STK3: variants seen among roughly 807,000 people sequenced by gnomAD.
STK3 encodes the protein serine/threonine kinase 3, also known as serine/threonine-protein kinase 3.
In STK3, 41 loss-of-function variants were observed where a neutral mutation model predicts 58.0. That is an observed-to-expected ratio of 0.71 (90% CI 0.55 to 0.92). The LOEUF (loss-of-function observed/expected upper bound fraction) is 0.92, where lower values mean the gene tolerates loss of function less well. STK3 is among the 40% of genes least tolerant of loss of function. The pLI is 0.00. For missense variants in STK3, 479 were observed against 602.7 expected (o/e 0.79, Z 2.15); for synonymous variants, 170 against 191.0 (o/e 0.89, Z 0.91).
chr8:98,613,577 T>C (rs952401624), intron 6 of STK3, among the ~76,000 whole-genome samples: 1 of 151,560 alleles, frequency 6.6e-6, no homozygotes, highest in African/African-American at 2.4e-5. Context: ...TGCATAGAAA[T>C]ATCCTCATAA....
At chr8:98,834,037 A>G (rs1835652447) in intron 3 of STK3, among the ~76,000 whole-genome samples, 1 of 152,154 alleles carries the variant, frequency 6.6e-6, no homozygotes, top group Non-Finnish European at 1.5e-5. Context: ...CCATTGAGAC[A>G]GCAATCACAT....
At chr8:98,845,860 T>C (rs930764865) in intron 3 of STK3, among the ~76,000 whole-genome samples, 3 of 152,202 alleles carry the variant, frequency 2.0e-5, no homozygotes, top group African/African-American at 4.8e-5. Context: ...TGGAGCTACA[T>C]TGAAATCTAC....
At chr8:98,575,015 T>G (rs1290275525) in intron 8 of STK3, among the ~76,000 whole-genome samples, 2 of 152,138 alleles carry the variant, frequency 1.3e-5, no homozygotes, top group African/African-American at 4.8e-5. Flanking sequence ...CATTGGCTAT[T>G]CGGGGTGGTG....
At chr8:98,914,934 G>A (rs1421959867) in intron 1 of STK3, among the ~76,000 whole-genome samples, 2 of 152,150 alleles carry the variant, frequency 1.3e-5, no homozygotes, top group East Asian at 1.9e-4. Context: ...AAAGAACACT[G>A]GATTTAGGTC....
intron 3 of STK3, among the ~76,000 whole-genome samples, chr8:98,850,141 A>C (rs1486371148): frequency 6.6e-6 from 1 of 151,946 alleles, no homozygotes; most frequent in Non-Finnish European, 1.5e-5. Flanking sequence ...GTAGATTTAA[A>C]AAAATGATTT....
intron 6 of STK3, among the ~76,000 whole-genome samples, chr8:98,624,631 T>C (rs1005139423): frequency 5.3e-5 from 8 of 152,120 alleles, no homozygotes; most frequent in African/African-American, 1.9e-4. Flanking sequence ...GCGGGTGGGA[T>C]CACTTGAGGT....
intron 3 of STK3, among the ~76,000 whole-genome samples, chr8:98,847,616 T>A (rs1836260313): frequency 6.6e-6 from 1 of 152,156 alleles, no homozygotes. Context: ...ACTGTCACCT[T>A]TGTAGTGCTG....
chr8:98,896,977 AAATAAAAAAATAATAAC>A (rs768950349), intron 1 of STK3, among the ~76,000 whole-genome samples: 1 of 151,520 alleles, frequency 6.6e-6, no homozygotes, highest in Non-Finnish European at 1.5e-5. Flanking sequence ...CCTGTCTCAA[AAATAAAAAAATAATAAC>A]AATAAAAAAA....
intron 6 of STK3, among the ~76,000 whole-genome samples, chr8:98,698,271 T>C (rs2131007321): frequency 6.6e-6 from 1 of 151,798 alleles, no homozygotes; most frequent in East Asian, 1.9e-4. Context: ...GCACGTGAGA[T>C]GGGTTTCCTG....
intron 9 of STK3, among the ~76,000 whole-genome samples, chr8:98,531,234 T>C (rs899800892): frequency 6.6e-6 from 1 of 152,234 alleles, no homozygotes; most frequent in Non-Finnish European, 1.5e-5. Context: ...TTATAAAATG[T>C]ATTTCTTAAT....
At chr8:98,354,827 GAGTGC>G in the STK3 span, among the ~76,000 whole-genome samples, 1 of 152,178 alleles carries the variant, frequency 6.6e-6, no homozygotes, top group African/African-American at 2.4e-5. Context: ...ACCCAGGCTG[GAGTGC>G]AGTGGTGCAA....
intron 4 of STK3, among the ~76,000 whole-genome samples, chr8:98,723,908 A>C (rs1262344878): frequency 6.6e-6 from 1 of 152,118 alleles, no homozygotes; most frequent in African/African-American, 2.4e-5. Context: ...TCGAGTCAGG[A>C]TTAATCTATC....
chr8:98,685,382 C>A (rs1306924505), intron 6 of STK3, among the ~76,000 whole-genome samples: 1 of 152,156 alleles, frequency 6.6e-6, no homozygotes, highest in African/African-American at 2.4e-5. Context: ...AGTAGGAATG[C>A]CTCTTTCCTG....
chr8:98,767,256 G>T lies in STK3; in HGVS notation c.223C>A (p.Gln75Lys). The T allele has an allele frequency of 6.2e-7, 1 of 1,608,382 alleles. No individual in the cohort carries two copies. Residue 75 changes from glutamine to lysine, a missense_variant, in exon 3 of 11, where the codon CAG (glutamine) becomes AAG (lysine). Gln to Lys is a moderately conservative substitution (Grantham distance 53, BLOSUM62 1). Transcript: ENST00000419617. ...QEIIKEISIM[Q>K]QCDSPYVVKY... is the part of the protein sequence containing the mutation. ...ATCTCTTCATACCTGTCACATTGCT[G>T]CATTATGGAAATTTCTTTGATTATT...
At chr8:98,920,111 C>T (rs1047079117) in intron 1 of STK3, among the ~76,000 whole-genome samples, 12 of 152,308 alleles carry the variant, frequency 7.9e-5, no homozygotes, top group South Asian at 2.1e-4. Context: ...AAGGTTACAA[C>T]GTGGTTTAAA....
intron 6 of STK3, among the ~76,000 whole-genome samples, chr8:98,698,877 A>G (rs1162806358): frequency 5.2e-4 from 78 of 151,052 alleles, no homozygotes; most frequent in Middle Eastern, 6.8e-3. Context: ...TCTTTGTGGC[A>G]TTCTCTGTAT....
chr8:98,605,632 T>A (rs990879860), intron 6 of STK3, among the ~76,000 whole-genome samples: 2 of 152,154 alleles, frequency 1.3e-5, no homozygotes, highest in Admixed American at 1.3e-4. Context: ...TCTGCTGTAG[T>A]AAGTTATCAC....
chr8:98,905,684 T>C, intron 1 of STK3: 1 of 707,494 alleles, frequency 1.4e-6, no homozygotes, highest in Non-Finnish European at 2.6e-6. Context: ...GACAAGCACC[T>C]CTGGGTGGCA....
At chr8:98,885,593 C>T (rs1280461485) in intron 1 of STK3, among the ~76,000 whole-genome samples, 2 of 152,148 alleles carry the variant, frequency 1.3e-5, no homozygotes, top group East Asian at 1.9e-4. Flanking sequence ...GCATGCGCCA[C>T]CAGGCCGGCT....
Sources: gnomAD v4.1 joint callset for allele counts (sites outside exome capture counted in the v4.1 genomes callset) on GRCh38, gnomAD v4.1.1 for gene constraint, MANE v1.5 for transcripts, NCBI Gene and HGNC (gene_info 2026-07-23, HGNC 2026-07-21) for gene names.